Variants in CFAP52 observed in about 807,000 individuals in gnomAD.
CFAP52 encodes the protein cilia- and flagella-associated protein 52.
A neutral mutation model predicts 70.5 loss-of-function variants in CFAP52; 57 were observed. The ratio of observed to expected loss-of-function variants is 0.81; its 90% CI spans 0.65 to 1.01. The LOEUF is 1.01. Ranked by LOEUF, CFAP52 falls within the 50% of genes least tolerant of loss-of-function variation. The pLI, the probability that CFAP52 is intolerant of heterozygous loss-of-function variation, is 0.00. For missense variants in CFAP52, 785 were observed against 788.5 expected (o/e 1.00, Z 0.05); for synonymous variants, 267 against 292.5 (o/e 0.91, Z 0.89).
chr17:9,583,097 T>C (rs564717329), intron 1 of CFAP52, among the ~76,000 whole-genome samples: 39 of 152,334 alleles, frequency 2.6e-4, no homozygotes, highest in Middle Eastern at 3.4e-3. Flanking sequence ...ATATTGTTTG[T>C]GTAAGGTGTG....
chr17:9,636,912 G>A (rs776033317), intron 11 of CFAP52, among the ~76,000 whole-genome samples: 2 of 152,262 alleles, frequency 1.3e-5, no homozygotes, highest in East Asian at 3.9e-4. Flanking sequence ...GGGCGTGGTG[G>A]CGCGTGCCTG....
chr17:9,587,151 A>AGGATAATGCAT (rs1170856329), intron 3 of CFAP52, among the ~76,000 whole-genome samples: 2 of 152,192 alleles, frequency 1.3e-5, no homozygotes, highest in Non-Finnish European at 2.9e-5. Context: ...TAGGTTGCTA[A>AGGATAATGCAT]GGATAATGGC....
intron 9 of CFAP52, among the ~76,000 whole-genome samples, chr17:9,631,291 CA>C (rs1352019386): frequency 6.6e-6 from 1 of 152,004 alleles, no homozygotes; most frequent in African/African-American, 2.4e-5. Flanking sequence ...TGCTGTTCCT[CA>C]AACACACTGG....
intron 6 of CFAP52, among the ~76,000 whole-genome samples, chr17:9,604,504 G>GTGCCTGTAATCCCA (rs1215975791): frequency 1.3e-5 from 2 of 152,000 alleles, no homozygotes; most frequent in Non-Finnish European, 2.9e-5. Flanking sequence ...GCAGTGGCTT[G>GTGCCTGTAATCCCA]TGCCTGTAAT....
At chr17:9,595,040 G>A (rs373249031) in intron 4 of CFAP52, among the ~76,000 whole-genome samples, 4 of 151,822 alleles carry the variant, frequency 2.6e-5, no homozygotes, top group Non-Finnish European at 4.4e-5. Context: ...ACAGGTGCCC[G>A]CCAACACACC....
At chr17:9,614,684 A>G (rs995803717) in intron 8 of CFAP52, among the ~76,000 whole-genome samples, 1 of 152,228 alleles carries the variant, frequency 6.6e-6, no homozygotes, top group South Asian at 2.1e-4. Flanking sequence ...CCTCCGCACT[A>G]TTGACATTTT....
chr17:9,586,556 A>G, intron 2 of CFAP52, 142 bp from the exon 3 acceptor site: 2 of 1,137,016 alleles, frequency 1.8e-6, no homozygotes, highest in Non-Finnish European at 2.3e-6. Flanking sequence ...AAAGAGTGAG[A>G]CTCCGTCTCA....
chr17:9,604,071 A>G (rs918322005), intron 6 of CFAP52, among the ~76,000 whole-genome samples: 1 of 152,196 alleles, frequency 6.6e-6, no homozygotes, highest in East Asian at 1.9e-4. Flanking sequence ...CTTTTTAATA[A>G]ATAATGCTAA....
At chr17:9,622,238 A>C (rs1910069756) in intron 8 of CFAP52, among the ~76,000 whole-genome samples, 1 of 152,188 alleles carries the variant, frequency 6.6e-6, no homozygotes, top group South Asian at 2.1e-4. Flanking sequence ...TCTTTCAGAA[A>C]CAATCTATAT....
At chr17:9,605,939 T>C (rs1426678727) in intron 6 of CFAP52, among the ~76,000 whole-genome samples, 1 of 152,142 alleles carries the variant, frequency 6.6e-6, no homozygotes, top group Non-Finnish European at 1.5e-5. Flanking sequence ...GTTTATTAGC[T>C]GTCATACATC....
intron 11 of CFAP52, among the ~76,000 whole-genome samples, chr17:9,636,530 G>A (rs1041695342): frequency 2.0e-5 from 3 of 152,108 alleles, no homozygotes; most frequent in Non-Finnish European, 2.9e-5. Flanking sequence ...TTGACTATAA[G>A]CATTTTTGCT....
intron 2 of CFAP52, 93 bp from the exon 3 acceptor site, chr17:9,586,605 A>G: frequency 2.2e-6 from 3 of 1,338,378 alleles, no homozygotes; most frequent in Non-Finnish European, 3.0e-6. Flanking sequence ...AAGAAAAGTG[A>G]CAGTACTAAT....
intron 4 of CFAP52, 87 bp downstream of exon 4, chr17:9,594,408 C>A: frequency 2.0e-6 from 3 of 1,511,464 alleles, no homozygotes; most frequent in African/African-American, 1.4e-5. Context: ...TCTGGGGGAA[C>A]ACGTCTTTAG....
intron 3 of CFAP52, among the ~76,000 whole-genome samples, chr17:9,587,933 CTGCAT>C (rs1908567329): frequency 6.6e-6 from 1 of 152,122 alleles, no homozygotes; most frequent in African/African-American, 2.4e-5. Context: ...TCAAAGTTGG[CTGCAT>C]GTTGAAATCA....
At chr17:9,582,931 C>A (rs531711420) in intron 1 of CFAP52, among the ~76,000 whole-genome samples, 1 of 152,348 alleles carries the variant, frequency 6.6e-6, no homozygotes, top group South Asian at 2.1e-4. Context: ...GCCACCCAGC[C>A]CAGCCTAGAT....
intron 1 of CFAP52, among the ~76,000 whole-genome samples, chr17:9,579,493 GAAA>G (rs1908116251): frequency 6.6e-6 from 1 of 152,128 alleles, no homozygotes; most frequent in Non-Finnish European, 1.5e-5. Flanking sequence ...ATTTCAGATG[GAAA>G]CAAATTAGAA....
intron 8 of CFAP52, among the ~76,000 whole-genome samples, chr17:9,628,078 A>T (rs1308924405): frequency 6.6e-6 from 1 of 152,002 alleles, no homozygotes. Context: ...ACTATCCTCC[A>T]GTCTACCAAG....
At chr17:9,640,435 T>TC (rs1911001299) in intron 12 of CFAP52, among the ~76,000 whole-genome samples, 1 of 149,378 alleles carries the variant, frequency 6.7e-6, no homozygotes, top group African/African-American at 2.5e-5. Context: ...GTGTGTTGTT[T>TC]CCCCACGTGT....
intron 3 of CFAP52, among the ~76,000 whole-genome samples, chr17:9,588,600 C>G (rs1173167191): frequency 6.6e-6 from 1 of 152,130 alleles, no homozygotes; most frequent in Admixed American, 6.6e-5. Context: ...TGGGCTGGAC[C>G]TGGACCCTGG....
Sources: gnomAD v4.1 joint callset for allele counts (sites outside exome capture counted in the v4.1 genomes callset) on GRCh38, gnomAD v4.1.1 for gene constraint, MANE v1.5 for transcripts, NCBI Gene and HGNC (gene_info 2026-07-23, HGNC 2026-07-21) for gene names.